Variants in THSD7B observed in about 807,000 individuals in gnomAD.
THSD7B encodes the protein thrombospondin type 1 domain containing 7B.
In THSD7B, 138 loss-of-function variants were observed where a neutral mutation model predicts 213.6. The observed-to-expected ratio is 0.65, with a 90% CI of 0.56 to 0.74. The LOEUF (loss-of-function observed/expected upper bound fraction) is 0.74, where lower values mean the gene tolerates loss of function less well. Ranked by LOEUF, THSD7B falls within the 30% of genes least tolerant of loss-of-function variation. The pLI, the probability that THSD7B is intolerant of heterozygous loss-of-function variation, is 0.00. For missense variants in THSD7B, 1,931 were observed against 1,991.5 expected (o/e 0.97, Z 0.58); for synonymous variants, 742 against 687.0 (o/e 1.08, Z -1.25).
At chr2:137,586,622 TG>T (rs1286727354) in intron 17 of THSD7B, among the ~76,000 whole-genome samples, 3 of 152,072 alleles carry the variant, frequency 2.0e-5, no homozygotes, top group Non-Finnish European at 4.4e-5. Context: ...TATGAAATTC[TG>T]GGTTGAAAAT....
In THSD7B at chr2:137,404,378, G is replaced by A. The variant is rs981885681; in HGVS notation, c.2501-1235G>A. On this transcript the variant is annotated intron_variant, in intron 12 of 27. Transcript: ENST00000409968. ...CAGCACAAGTCACAATAGGAAAATC[G>A]TGGAACCCACCCAAATGCCCATCAA... is the stretch of plus-strand genomic sequence containing the variant. Among the ~76,000 whole-genome samples, 11 of 142,568 alleles carry A rather than the reference G, an allele frequency of 7.7e-5. No homozygotes were observed. The East Asian group carries it at 2.1e-3, about 27-fold the overall frequency. 93.5% of individuals were successfully genotyped at this position (142,568 alleles called of 152,430 possible).
At chr2:137,249,201 A>T (rs1573911169) in intron 10 of THSD7B, among the ~76,000 whole-genome samples, 1 of 152,118 alleles carries the variant, frequency 6.6e-6, no homozygotes, top group South Asian at 2.1e-4. Context: ...AGGGGGAAAA[A>T]GTTCATGGAT....
At chr2:136,803,266 A>G (rs1682222128) in intron 1 of THSD7B, among the ~76,000 whole-genome samples, 1 of 152,162 alleles carries the variant, frequency 6.6e-6, no homozygotes, top group Non-Finnish European at 1.5e-5. Flanking sequence ...AAAAGATGGA[A>G]GAAGTGAATG....
intron 7 of THSD7B, among the ~76,000 whole-genome samples, chr2:137,186,246 T>G (rs964054294): frequency 7.9e-5 from 12 of 152,322 alleles, no homozygotes; most frequent in African/African-American, 2.9e-4. Context: ...TAGGTTTCAC[T>G]TGTCAATTTT....
At chr2:136,939,129 C>T (rs1684777998) in intron 2 of THSD7B, among the ~76,000 whole-genome samples, 1 of 152,032 alleles carries the variant, frequency 6.6e-6, no homozygotes, top group South Asian at 2.1e-4. Context: ...AACGACTTTT[C>T]CATCCATTTC....
At chr2:136,783,552 G>C (rs1418070822) in intron 1 of THSD7B, among the ~76,000 whole-genome samples, 1 of 152,174 alleles carries the variant, frequency 6.6e-6, no homozygotes, top group Non-Finnish European at 1.5e-5. Context: ...GAGCCACCAA[G>C]AGAGACCTGG....
At chr2:136,836,192 G>A (rs902909799) in intron 1 of THSD7B, among the ~76,000 whole-genome samples, 17 of 152,186 alleles carry the variant, frequency 1.1e-4, no homozygotes, top group African/African-American at 3.9e-4. Context: ...TATTCAAAAA[G>A]TGTGTATGTG....
At position 137,413,261 on chromosome 2, in the gene THSD7B, A is replaced by G. The variant is rs372417722; in HGVS notation, c.2959+1389A>G. The stretch of plus-strand genomic sequence containing the variant: ...ATGGACCCATTTTAAGGTGATGCTA[A>G]TCTTTGTTTTTTAGCTTGTATGTGC... On this transcript the variant is annotated intron_variant, in intron 14 of 27. Coordinates refer to ENST00000409968, the MANE Select transcript of THSD7B (RefSeq NM_001316349.2). 2.6e-5 allele frequency among the ~76,000 whole-genome samples: 4 copies of G among 152,242 alleles called. No homozygotes were observed. In the East Asian group the frequency reaches 7.7e-4, roughly 29 times the overall value.
At chr2:136,956,587 G>T (rs1438537136) in intron 2 of THSD7B, among the ~76,000 whole-genome samples, 1 of 142,762 alleles carries the variant, frequency 7.0e-6, no homozygotes, top group Non-Finnish European at 1.5e-5. Context: ...GGGTGACAAA[G>T]TGAGACCCTG....
At chr2:137,610,663 A>C (rs1180963045) in intron 17 of THSD7B, among the ~76,000 whole-genome samples, 2 of 152,172 alleles carry the variant, frequency 1.3e-5, no homozygotes, top group African/African-American at 4.8e-5. Flanking sequence ...ATTTATCTAG[A>C]TAGGCTGCAG....
At chr2:136,925,292 T>C (rs1684504521) in intron 2 of THSD7B, among the ~76,000 whole-genome samples, 1 of 152,212 alleles carries the variant, frequency 6.6e-6, no homozygotes, top group African/African-American at 2.4e-5. Flanking sequence ...CCATTGAGTA[T>C]GTTATAGGCA....
At chr2:137,116,402 G>T (rs1460810097) in intron 5 of THSD7B, among the ~76,000 whole-genome samples, 1 of 152,156 alleles carries the variant, frequency 6.6e-6, no homozygotes, top group East Asian at 1.9e-4. Flanking sequence ...TTACTCCTCT[G>T]AATTTGTAGA....
At chr2:136,882,084 A>G in intron 1 of THSD7B, 60 bp from the exon 2 acceptor site, 4 of 1,309,276 alleles carry the variant, frequency 3.1e-6, no homozygotes, top group Non-Finnish European at 4.0e-6. Flanking sequence ...AGCAGTCAAA[A>G]TGAGTTGTTA....
At chr2:137,128,890 T>A (rs1324564027) in intron 5 of THSD7B, among the ~76,000 whole-genome samples, 1 of 152,212 alleles carries the variant, frequency 6.6e-6, no homozygotes, top group East Asian at 1.9e-4. Flanking sequence ...AAGAACCTTT[T>A]TCCAATGAAA....
rs184704388 is a variant in THSD7B, at chr2:137,315,382, C to T, written c.2500+39356C>T. ...TGCTTCGGCTCATGCACAGTGCGCG[C>T]ACCCACTGACCTGCGCCCACTGTCT... On this transcript the variant is annotated intron_variant, in intron 12 of 27. Coordinates refer to ENST00000409968, the MANE Select transcript of THSD7B (RefSeq NM_001316349.2). Among the ~76,000 whole-genome samples the T allele has an allele frequency of 4.7e-3, 717 of 152,232 alleles. 7 individuals carry two copies. The highest frequency in any genetic ancestry group is 0.017 in the African/African-American group (697 of 41,548).
At chr2:137,629,635 C>A (rs1253285173) in intron 20 of THSD7B, among the ~76,000 whole-genome samples, 1 of 152,134 alleles carries the variant, frequency 6.6e-6, no homozygotes, top group Non-Finnish European at 1.5e-5. Context: ...ACACAGATTT[C>A]ACAAGAAAAG....
chr2:136,818,430 G>C (rs1305837640), intron 1 of THSD7B, among the ~76,000 whole-genome samples: 2 of 149,892 alleles, frequency 1.3e-5, no homozygotes, highest in Non-Finnish European at 3.0e-5. Context: ...ATAGCATTGG[G>C]AGATATACCT....
At chr2:136,937,306 C>A (rs1006102601) in intron 2 of THSD7B, among the ~76,000 whole-genome samples, 11 of 151,906 alleles carry the variant, frequency 7.2e-5, no homozygotes, top group African/African-American at 2.7e-4. Context: ...CCTTCCCTCA[C>A]CTCTTACTTG....
intron 2 of THSD7B, among the ~76,000 whole-genome samples, chr2:137,041,341 T>G (rs1335945790): frequency 6.6e-6 from 1 of 152,158 alleles, no homozygotes; most frequent in East Asian, 1.9e-4. Context: ...AGATAAGCAG[T>G]AATTTTGGTC....
Sources: allele counts gnomAD v4.1 joint callset (sites outside exome capture counted in the v4.1 genomes callset), GRCh38; gene constraint gnomAD v4.1.1; transcripts MANE v1.5; gene names NCBI Gene and HGNC (gene_info 2026-07-23, HGNC 2026-07-21).